Variants in ESRRG observed in about 807,000 individuals in gnomAD.
The protein encoded by ESRRG is estrogen-related receptor gamma.
A neutral mutation model predicts 44.0 loss-of-function variants in ESRRG; 13 were observed. The observed-to-expected ratio is 0.30, with a 90% confidence interval of 0.19 to 0.47. ESRRG has a LOEUF of 0.47. Among genes scored for constraint, ESRRG ranks in the 20% least tolerant of loss-of-function variants. The pLI is 1.00. For synonymous variants in ESRRG, 215 were observed against 214.6 expected (o/e 1.00, Z -0.02); for missense variants, 395 against 580.6 (o/e 0.68, Z 3.29).
chr1:217,053,985 A>C (rs1423141894), intron 1 of ESRRG, among the ~76,000 whole-genome samples: 1 of 151,852 alleles, frequency 6.6e-6, no homozygotes, highest in Non-Finnish European at 1.5e-5. Flanking sequence ...GTTCTTTACA[A>C]AGCTGGGTGG....
At chr1:216,662,875 C>A (rs1382987083) in intron 2 of ESRRG, among the ~76,000 whole-genome samples, 1 of 152,162 alleles carries the variant, frequency 6.6e-6, no homozygotes, top group Non-Finnish European at 1.5e-5. Flanking sequence ...TGGCCATGTT[C>A]CAATAAAACT....
At chr1:216,637,522 C>A (rs1258354261) in intron 3 of ESRRG, among the ~76,000 whole-genome samples, 2 of 152,136 alleles carry the variant, frequency 1.3e-5, no homozygotes, top group Non-Finnish European at 2.9e-5. Flanking sequence ...GGATATTTCA[C>A]CTTTTGACAC....
At chr1:216,841,504 T>G (rs1247682287) in intron 2 of ESRRG, among the ~76,000 whole-genome samples, 5 of 152,086 alleles carry the variant, frequency 3.3e-5, no homozygotes, top group African/African-American at 7.2e-5. Context: ...GCTGCCAACT[T>G]CATTTAGGAT....
intron 3 of ESRRG, among the ~76,000 whole-genome samples, chr1:216,596,625 A>T (rs2058485808): frequency 6.6e-6 from 1 of 152,204 alleles, no homozygotes; most frequent in South Asian, 2.1e-4. Flanking sequence ...GGCCAACACC[A>T]CTAGCCAATA....
chr1:216,891,450 G>A (rs115538372), intron 2 of ESRRG, among the ~76,000 whole-genome samples: 173 of 152,118 alleles, frequency 1.1e-3, no homozygotes, highest in African/African-American at 4.0e-3. Context: ...ATGCACACAC[G>A]TGCACATGCA....
chr1:217,092,263 G>A (rs1438736144), upstream of ESRRG, among the ~76,000 whole-genome samples: 1 of 152,102 alleles, frequency 6.6e-6, no homozygotes, highest in Non-Finnish European at 1.5e-5. Context: ...AATATTGTTG[G>A]AGCATGTTCA....
chr1:216,624,683 A>G (rs957336468), intron 3 of ESRRG, among the ~76,000 whole-genome samples: 1 of 152,168 alleles, frequency 6.6e-6, no homozygotes, highest in African/African-American at 2.4e-5. Context: ...TCTCAGGTTA[A>G]TATCTCCATC....
rs186150567 is a variant in ESRRG, at chr1:216,845,632, G to T, written c.-14+93950C>A. ...TGTTTTATCCCCTCTAGACTCTGAA[G>T]CATCCAGTGGCCTTCATGTCAGTAC... On this transcript the variant is annotated intron_variant, in intron 2 of 7. Transcript: ENST00000359162. 2.6e-5 allele frequency among the ~76,000 whole-genome samples: 4 copies of T among 152,234 alleles called. No individual in the cohort carries two copies. The East Asian group carries it at 7.7e-4, about 29-fold the overall frequency.
At position 216,701,316 on chromosome 1, in the gene ESRRG, C is replaced by T. The variant is rs1038005886; in HGVS notation, c.56+21928G>A. ...AAATAAAGTGCATTATTTTTAAAACCTGCACCCAATATCATCCTTACTGTA... is the reference window on the plus strand; with the variant it reads ...AAATAAAGTGCATTATTTTTAAAACTTGCACCCAATATCATCCTTACTGTA... On this transcript the variant is annotated intron_variant, in intron 1 of 6. Transcript: ENST00000408911. The T allele has an allele frequency of 2.0e-5, 3 of 152,260 alleles. No homozygotes were observed. The South Asian group carries it at 6.2e-4, about 32-fold the overall frequency. The allele number at this position is 152,260 out of a possible 1,614,324, so 9.4% of individuals were successfully genotyped here.
chr1:217,132,448 A>C (rs763206899), intron 1 of ESRRG, among the ~76,000 whole-genome samples: 2 of 152,204 alleles, frequency 1.3e-5, no homozygotes, highest in Non-Finnish European at 2.9e-5. Context: ...GGGATTGAGA[A>C]AGGTGGGGAA....
In ESRRG at chr1:216,957,373, T is replaced by G. The variant is rs560431749; in HGVS notation, c.-105-17700A>C. On this transcript the variant is annotated intron_variant, in intron 1 of 7. Transcript: ENST00000359162. Reference sequence around the variant, plus strand: ...CACCAGACTCATTTATCTATCTTCCTACTCAGCACATTTATTTGGATCGAA... The same window carrying G: ...CACCAGACTCATTTATCTATCTTCCGACTCAGCACATTTATTTGGATCGAA... 9.8e-5 allele frequency among the ~76,000 whole-genome samples: 15 copies of G among 152,302 alleles called. No individual in the cohort carries two copies. The South Asian group carries it at 3.1e-3, about 32-fold the overall frequency.
rs531973875 is a variant in ESRRG, at chr1:216,825,557, C to T, written c.-14+114025G>A. On this transcript the variant is annotated intron_variant, in intron 2 of 7. Coordinates refer to the ESRRG transcript ENST00000359162. ...GCCAGAAAATCTGAGGTAGTGAGTT[C>T]TAAGTTATATTTAAATTAATATAAC... is the stretch of plus-strand genomic sequence containing the variant. Among the ~76,000 whole-genome samples, 368 of 152,070 alleles carry T rather than the reference C, an allele frequency of 2.4e-3. 2 individuals carry two copies. Among genetic ancestry groups the T allele is most frequent in the African/African-American group, 8.6e-3 (358 of 41,502 alleles).
At chr1:216,514,492 G>T (rs993738132) in intron 6 of ESRRG, among the ~76,000 whole-genome samples, 1 of 151,822 alleles carries the variant, frequency 6.6e-6, no homozygotes, top group East Asian at 1.9e-4. Flanking sequence ...CACTTTCTTG[G>T]GTAGTTTTAT....
At chr1:216,783,894 T>C (rs767912270) in intron 2 of ESRRG, among the ~76,000 whole-genome samples, 86 of 152,082 alleles carry the variant, frequency 5.7e-4, no homozygotes, top group Non-Finnish European at 1.8e-4. Context: ...CTCGAAGAAT[T>C]AGAATAAAAA....
chr1:216,839,136 T>C (rs1265483850), intron 2 of ESRRG, among the ~76,000 whole-genome samples: 8 of 152,184 alleles, frequency 5.3e-5, no homozygotes. Flanking sequence ...ATCAACTAAG[T>C]TTATGTAATA....
chr1:217,066,727 A>T (rs1002077468), intron 1 of ESRRG, among the ~76,000 whole-genome samples: 29 of 152,196 alleles, frequency 1.9e-4, no homozygotes, highest in African/African-American at 6.5e-4. Flanking sequence ...TGTGGACTGC[A>T]TGATGTTTAC....
In ESRRG at chr1:217,087,090, T is replaced by C. The variant is rs574734363; in HGVS notation, c.-106+2417A>G. On this transcript the variant is annotated intron_variant, in intron 1 of 7. Transcript: ENST00000359162. ...CTCTTGAGTATTCAGGTAAGGTGCA[T>C]AGCATGTCTGTGCAGAAGAAAAAAG... Among the ~76,000 whole-genome samples, 3 of 152,316 alleles carry C rather than the reference T, an allele frequency of 2.0e-5. No individual in the cohort carries two copies. The East Asian group carries it at 5.8e-4, about 29-fold the overall frequency.
At chr1:216,790,898 C>A (rs925089168) in intron 2 of ESRRG, among the ~76,000 whole-genome samples, 1 of 152,046 alleles carries the variant, frequency 6.6e-6, no homozygotes, top group African/African-American at 2.4e-5. Flanking sequence ...AAGGCCAAGA[C>A]AATCAGAGAG....
intron 3 of ESRRG, among the ~76,000 whole-genome samples, chr1:216,596,479 A>G (rs577760015): frequency 2.6e-5 from 4 of 151,954 alleles, no homozygotes; most frequent in South Asian, 2.1e-4. Context: ...GAGCCATTAT[A>G]CTCCTCCGCT....
Sources: allele counts gnomAD v4.1 joint callset (sites outside exome capture counted in the v4.1 genomes callset), GRCh38; gene constraint gnomAD v4.1.1; transcripts MANE v1.5; gene names NCBI Gene and HGNC (gene_info 2026-07-23, HGNC 2026-07-21).